TFAP2E: variants seen among roughly 807,000 people sequenced by gnomAD.
The protein encoded by TFAP2E is transcription factor AP-2 epsilon.
TFAP2E carries 30 observed loss-of-function variants against 37.9 expected under a neutral mutation model. That is an observed-to-expected ratio of 0.79 (90% confidence interval 0.59 to 1.07). The LOEUF is 1.07. TFAP2E is among the 50% of genes least tolerant of loss of function. The pLI, the probability that TFAP2E is intolerant of heterozygous loss-of-function variation, is 0.00. For synonymous variants in TFAP2E, 318 were observed against 295.8 expected, an observed-to-expected ratio of 1.08 and a Z score of -0.77; for missense variants, 567 against 637.9, an observed-to-expected ratio of 0.89 and a Z score of 1.20.
chr1:35,594,927 G>T lies in TFAP2E; in HGVS notation c.*251G>T. 1.8e-6 allele frequency: 1 copy of T among 557,864 alleles called. No homozygotes were observed. Among genetic ancestry groups the T allele is most frequent in the East Asian group, 3.1e-5 (1 of 32,148 alleles). 34.6% of individuals were successfully genotyped at this position (557,864 alleles called of 1,614,324 possible). A position where few individuals can be genotyped will look rare whatever the true frequency, so the allele number is the denominator to read the frequency against. On this transcript the variant is annotated 3_prime_UTR_variant, in exon 7 of 7. Transcript: ENST00000373235. ...CAATTTTCTGACCTTTGATGGTTGA[G>T]AAGGGTTTGGACAGAAAATTGACAT...
At chr1:35,591,831 C>T (rs1186601211) in intron 6 of TFAP2E, among the ~76,000 whole-genome samples, 19 of 151,978 alleles carry the variant, frequency 1.3e-4, no homozygotes, top group East Asian at 9.7e-4. Flanking sequence ...GGATCACAGG[C>T]GCCTGCCACC....
rs1008219110 is a variant in TFAP2E, at chr1:35,590,103, C to T, written c.904+55C>T. ...GTGGATGTGAGGGCAAGTGAGTTGT[C>T]TGGTGTGACTGTCTCTAATGCAGGA... On this transcript the variant is annotated intron_variant, in intron 5 of 6. Coordinates refer to ENST00000373235, the MANE Select transcript of TFAP2E (RefSeq NM_178548.4). This position sits in a 1 kb window ranked among gnomAD's most constrained non-coding sequence, Gnocchi z 6.2. 1.5e-5 allele frequency: 23 copies of T among 1,515,448 alleles called. No homozygotes were observed. In the African/African-American group the frequency reaches 3.2e-4, roughly 21 times the overall value. The allele number at this position is 1,515,448 out of a possible 1,614,324, so 93.9% of individuals were successfully genotyped here.
At chr1:35,581,945 G>A (rs1010897859) in intron 3 of TFAP2E, among the ~76,000 whole-genome samples, 9 of 151,272 alleles carry the variant, frequency 5.9e-5, no homozygotes, top group Admixed American at 4.6e-4. Context: ...GCACAATCTC[G>A]GCTCACTGCA....
Position 35,577,307 on chromosome 1 carries a change from C to A in TFAP2E, c.562+2307C>A, listed in dbSNP as rs1344875177. On this transcript the variant is annotated intron_variant, in intron 3 of 6. Coordinates refer to ENST00000373235, the MANE Select transcript of TFAP2E (RefSeq NM_178548.4). This position sits in a 1 kb window ranked among gnomAD's most constrained non-coding sequence, Gnocchi z 6.3. ...CCTCCCCACACCTGCCCTCGGCGCC[C>A]CCAGCAGTTTTCACCTTGGCCCTCC... 2 of 452,148 alleles carry A rather than the reference C, an allele frequency of 4.4e-6. No individual in the cohort carries two copies. The highest frequency in any genetic ancestry group is 8.9e-6 in the Non-Finnish European group (2 of 224,132). The allele number at this position is 452,148 out of a possible 1,614,324, so 28.0% of individuals were successfully genotyped here.
chr1:35,574,187 T>G lies in TFAP2E; in HGVS notation c.288T>G (p.Pro96=), dbSNP rs1315997318. The G allele has an allele frequency of 1.5e-6, 2 of 1,368,098 alleles. No homozygotes were observed. Among genetic ancestry groups the G allele is most frequent in the Non-Finnish European group, 1.9e-6 (2 of 1,061,364 alleles). The allele number at this position is 1,368,098 out of a possible 1,614,324, so 84.7% of individuals were successfully genotyped here. The change falls in exon 2 of 7, where the codon CCT becomes CCG. Residue 96 remains proline, a synonymous_variant. Coordinates refer to ENST00000373235, the MANE Select transcript of TFAP2E (RefSeq NM_178548.4). ...CGCCCCTGGCGCAGCCGCAGCCTCC[T>G]CAGGCCGCCTGGGCCGCGCCCCGCG... ...GLAPLAQPQP[P]QAAWAAPRAA... is the part of the protein sequence containing the mutation.
In TFAP2E at chr1:35,573,602, A is replaced by G; in HGVS notation, c.25A>G (p.Met9Val). MLVHTYSA[M>V]ERPDGLGAAA... ...CATGCTGGTGCACACCTACTCCGCC[A>G]TGGTGAGTAGTCTCGGGCCCGGGAC... Residue 9 changes from methionine to valine, a missense_variant and splice_region_variant, in exon 1 of 7, where the codon ATG becomes GTG. Coordinates refer to ENST00000373235, the MANE Select transcript of TFAP2E (RefSeq NM_178548.4). This position sits in a 1 kb window ranked among gnomAD's most constrained non-coding sequence, Gnocchi z 5.9. The G allele has an allele frequency of 6.5e-7, 1 of 1,539,838 alleles. No individual in the cohort carries two copies. The highest frequency in any genetic ancestry group is 8.7e-7 in the Non-Finnish European group (1 of 1,143,270).
chr1:35,573,706 G>C lies in TFAP2E; in HGVS notation c.27+102G>C, dbSNP rs1649078301. On this transcript the variant is annotated intron_variant, in intron 1 of 6. Transcript: ENST00000373235. This position sits in a 1 kb window ranked among gnomAD's most constrained non-coding sequence, Gnocchi z 5.9. ...TCCCGCGCTAACGAAATCTCGGAGGGAGGGGGCCGCAGGGACTTCGCCAGC... is the reference window on the plus strand; with the variant it reads ...TCCCGCGCTAACGAAATCTCGGAGGCAGGGGGCCGCAGGGACTTCGCCAGC... 1.3e-6 allele frequency: 2 copies of C among 1,488,806 alleles called. No homozygotes were observed. The highest frequency in any genetic ancestry group is 2.7e-5 in the East Asian group (1 of 36,906). 92.2% of individuals were successfully genotyped at this position (1,488,806 alleles called of 1,614,324 possible). A position where few individuals can be genotyped will look rare whatever the true frequency, so the allele number is the denominator to read the frequency against.
intron 6 of TFAP2E, among the ~76,000 whole-genome samples, chr1:35,594,174 G>A (rs1397377341): frequency 2.6e-5 from 4 of 152,148 alleles, no homozygotes; most frequent in Admixed American, 6.5e-5. Flanking sequence ...CAGGGTGATC[G>A]ACATGTGCTG....
Position 35,583,641 on chromosome 1 carries a change from T to TGTGA in TFAP2E, c.563-4688_563-4687insTGAG, listed in dbSNP as rs779886480. 3.9e-3 allele frequency among the ~76,000 whole-genome samples: 589 copies of TGTGA among 150,032 alleles called. 2 individuals carry two copies. The highest frequency in any genetic ancestry group is 0.011 in the South Asian group (52 of 4,760). On this transcript the variant is annotated intron_variant, in intron 3 of 6. Coordinates refer to ENST00000373235, the MANE Select transcript of TFAP2E (RefSeq NM_178548.4). ...GTGTGTGTGTGTGTGTGTGTGTGTG[T>TGTGA]GAATGGCTTCTGCATATGTGACCAG...
chr1:35,573,982 C>T lies in TFAP2E; in HGVS notation c.83C>T (p.Pro28Leu). 6.7e-7 allele frequency: 1 copy of T among 1,486,500 alleles called. No homozygotes were observed. Among genetic ancestry groups the T allele is most frequent in the Non-Finnish European group, 8.9e-7 (1 of 1,129,582 alleles). 92.1% of individuals were successfully genotyped at this position (1,486,500 alleles called of 1,614,324 possible). ...AAGGARLSSL[P>L]QAAYGPAPPL... ...GGCGGGGCCCGCCTGTCGTCTCTGC[C>T]CCAGGCGGCCTACGGGCCGGCGCCC... is the stretch of plus-strand genomic sequence containing the variant. The change falls in exon 2 of 7, where the codon CCC (proline) becomes CTC (leucine). Residue 28 changes from proline to leucine, a missense_variant. This residue lies in a region of TFAP2E where 312 missense variants were observed against 317.4 expected (regional missense o/e 0.98). Transcript: ENST00000373235. This position sits in a 1 kb window ranked among gnomAD's most constrained non-coding sequence, Gnocchi z 5.9.
At chr1:35,586,069 C>G (rs772068480) in intron 3 of TFAP2E, among the ~76,000 whole-genome samples, 2 of 151,928 alleles carry the variant, frequency 1.3e-5, no homozygotes, top group Non-Finnish European at 2.9e-5. Context: ...ATGGTGGACA[C>G]TAGGAAATGT....
intron 3 of TFAP2E, among the ~76,000 whole-genome samples, chr1:35,585,007 C>T (rs1208868736): frequency 1.3e-5 from 2 of 152,140 alleles, no homozygotes; most frequent in Admixed American, 6.5e-5. Flanking sequence ...GTAGGGAAGA[C>T]ACCCATGGAA....
chr1:35,594,260 TG>T, intron 6 of TFAP2E, 133 bp from the exon 7 acceptor site: 1 of 1,118,262 alleles, frequency 8.9e-7, no homozygotes, highest in Non-Finnish European at 1.2e-6. Context: ...AAAAACAGTA[TG>T]GTCATCATTT....
At chr1:35,576,640 GA>G (rs563856458) in intron 3 of TFAP2E, among the ~76,000 whole-genome samples, 71 of 152,314 alleles carry the variant, frequency 4.7e-4, no homozygotes, top group African/African-American at 1.6e-3. Context: ...CGCAAGGGTA[GA>G]AGGATCAGCT....
chr1:35,593,641 G>A (rs921145278), intron 6 of TFAP2E, among the ~76,000 whole-genome samples: 12 of 152,312 alleles, frequency 7.9e-5, no homozygotes, highest in South Asian at 4.1e-4. Flanking sequence ...TAGCCAGGAC[G>A]GGGCTCACCT....
intron 3 of TFAP2E, among the ~76,000 whole-genome samples, chr1:35,585,967 T>G (rs1649468359): frequency 6.6e-6 from 1 of 152,080 alleles, no homozygotes; most frequent in South Asian, 2.1e-4. Flanking sequence ...GAGGATTGCT[T>G]GAGCCTGGGA....
At chr1:35,589,232 GT>G (rs1649581643) in intron 4 of TFAP2E, among the ~76,000 whole-genome samples, 1 of 143,976 alleles carries the variant, frequency 6.9e-6, no homozygotes, top group Non-Finnish European at 1.5e-5. Flanking sequence ...GTGTGTGTGT[GT>G]GTGATTGCCT....
rs905966385 is a variant in TFAP2E at position 35,573,792 on chromosome 1, G to T, written c.28-135G>T. 6 of 1,373,512 alleles carry T rather than the reference G, an allele frequency of 4.4e-6. No individual in the cohort carries two copies. Among genetic ancestry groups the T allele is most frequent in the Admixed American group, 3.2e-5 (1 of 31,082 alleles). The allele number at this position is 1,373,512 out of a possible 1,614,324, so 85.1% of individuals were successfully genotyped here. A position where few individuals can be genotyped will look rare whatever the true frequency, so the allele number is the denominator to read the frequency against. ...CCTGAGGCTCCTGCGCCCGCGGGTG[G>T]CTCGGAAATAAACCTCGGGCCCCAA... On this transcript the variant is annotated intron_variant, in intron 1 of 6. Coordinates refer to ENST00000373235, the MANE Select transcript of TFAP2E (RefSeq NM_178548.4). This position sits in a 1 kb window ranked among gnomAD's most constrained non-coding sequence, Gnocchi z 5.9.
intron 3 of TFAP2E, among the ~76,000 whole-genome samples, chr1:35,583,789 C>G (rs369959836): frequency 1.3e-4 from 20 of 152,306 alleles, no homozygotes; most frequent in African/African-American, 4.8e-4. Context: ...CCTACCTCCA[C>G]CACTGCCCTT....
Sources: allele counts gnomAD v4.1 joint callset (sites outside exome capture counted in the v4.1 genomes callset), GRCh38; gene constraint gnomAD v4.1.1; regional missense constraint gnomAD v4.1.1; non-coding constraint Gnocchi (gnomAD v3.1); transcripts MANE v1.5; gene names NCBI Gene and HGNC (gene_info 2026-07-23, HGNC 2026-07-21).